Variants in PTPRT observed in about 807,000 individuals in gnomAD.
The protein encoded by PTPRT is protein tyrosine phosphatase receptor type T.
PTPRT carries 56 observed loss-of-function variants against 176.8 expected under a neutral mutation model. The observed-to-expected ratio is 0.32, with a 90% CI of 0.26 to 0.40. PTPRT has a LOEUF of 0.40. Among genes scored for constraint, PTPRT ranks in the 10% least tolerant of loss-of-function variants. The pLI is 1.00. For synonymous variants in PTPRT, 783 were observed against 739.0 expected (o/e 1.06, Z -0.96); for missense variants, 1,540 against 1,908.2 (o/e 0.81, Z 3.60).
At chr20:42,554,679 G>A (rs924998851) in intron 7 of PTPRT, among the ~76,000 whole-genome samples, 6 of 152,128 alleles carry the variant, frequency 3.9e-5, no homozygotes, top group Non-Finnish European at 5.9e-5. Context: ...CCATAAACCC[G>A]AGGCAATGAT....
chr20:42,299,259 C>T (rs991918616), intron 12 of PTPRT, among the ~76,000 whole-genome samples: 8 of 152,038 alleles, frequency 5.3e-5, no homozygotes, highest in Admixed American at 5.2e-4. Context: ...AAGAAATCAA[C>T]AGGGATGGGC....
chr20:42,448,238 C>T lies in PTPRT; in HGVS notation c.1542G>A (p.Gly514=), dbSNP rs781342518. Residue 514 remains glycine (G), a synonymous_variant, in exon 9 of 31, where the codon GGG becomes GGA. Transcript: ENST00000373187. ...IQWKPPNETN[G]VITLYEINYK... is the part of the protein sequence containing the mutation. ...TCCTTACCTCGTAGAGCGTGATGAC[C>T]CCATTGGTCTCATTGGGAGGTTTCC... The T allele has an allele frequency of 2.5e-6, 4 of 1,612,040 alleles. No homozygotes were observed. The highest frequency in any genetic ancestry group is 2.2e-5 in the East Asian group (1 of 44,862).
At chr20:42,588,272 C>A (rs1032786546) in intron 7 of PTPRT, among the ~76,000 whole-genome samples, 4 of 152,044 alleles carry the variant, frequency 2.6e-5, no homozygotes, top group African/African-American at 9.7e-5. Flanking sequence ...GGTGAAATGC[C>A]GTCTCTACTA....
At chr20:43,106,476 G>A (rs2012607853) in intron 1 of PTPRT, among the ~76,000 whole-genome samples, 1 of 151,942 alleles carries the variant, frequency 6.6e-6, no homozygotes, top group African/African-American at 2.4e-5. Flanking sequence ...GGCCAACATG[G>A]TGAAACCCCA....
rs78392437 is a variant in PTPRT at position 42,807,365 on chromosome 20, C to T, written c.215-15899G>A. The stretch of plus-strand genomic sequence containing the variant: ...TTTCCAGTGTTGCTATGATCTGATG[C>T]TTTTGTGCTGTTCTCATGGGAATTT... On this transcript the variant is annotated intron_variant, in intron 2 of 30. Transcript: ENST00000373187. Among the ~76,000 whole-genome samples the T allele has an allele frequency of 8.4e-3, 1,281 of 152,222 alleles. 28 individuals carry two copies. The highest frequency in any genetic ancestry group is 0.029 in the African/African-American group (1,191 of 41,518).
At chr20:42,543,368 C>T (rs1464336093) in intron 7 of PTPRT, among the ~76,000 whole-genome samples, 1 of 152,098 alleles carries the variant, frequency 6.6e-6, no homozygotes, top group African/African-American at 2.4e-5. Flanking sequence ...CTCAAGAAAC[C>T]ACTTTCTTTG....
At chr20:42,694,987 G>A (rs189314316) in intron 6 of PTPRT, among the ~76,000 whole-genome samples, 1 of 152,338 alleles carries the variant, frequency 6.6e-6, no homozygotes, top group Non-Finnish European at 1.5e-5. Context: ...GCATGGCCAG[G>A]CGGGGGTGGC....
chr20:43,186,094 T>C (rs1398504384), intron 1 of PTPRT, among the ~76,000 whole-genome samples: 2 of 152,236 alleles, frequency 1.3e-5, no homozygotes, highest in African/African-American at 4.8e-5. Flanking sequence ...GTGCCTATTA[T>C]GTACCAGGCA....
At chr20:42,068,903 TAGAG>T (rs1399836682), downstream of PTPRT, among the ~76,000 whole-genome samples, 1 of 152,212 alleles carries the variant, frequency 6.6e-6, no homozygotes, top group African/African-American at 2.4e-5. Context: ...CTCGCCTTAA[TAGAG>T]AAACAGATTC....
rs1358124647 is a variant in PTPRT at position 42,885,841 on chromosome 20, C to G, written c.180G>C (p.Trp60Cys). Reference sequence around the variant, plus strand: ...CTGCCTGGTCCAGCATTGGTTTCTCCCATGTGTTAATCTGCTCCCAGGTGA... The same window carrying G: ...CTGCCTGGTCCAGCATTGGTTTCTCGCATGTGTTAATCTGCTCCCAGGTGA... Reference protein sequence around the residue: ...NGFTWEQINTWEKPMLDQAVP... With the variant: ...NGFTWEQINTCEKPMLDQAVP... Residue 60 changes from tryptophan (W) to cysteine (C), a missense_variant, in exon 2 of 31, where the codon TGG becomes TGC. Trp to Cys is a radical substitution (Grantham distance 215). Coordinates refer to ENST00000373187, the MANE Select transcript of PTPRT (RefSeq NM_007050.6). 1 of 1,609,860 alleles carries G rather than the reference C, an allele frequency of 6.2e-7. No homozygotes were observed. The highest frequency in any genetic ancestry group is 1.3e-5 in the African/African-American group (1 of 74,846).
chr20:42,956,424 C>T (rs1270363025), intron 1 of PTPRT, among the ~76,000 whole-genome samples: 1 of 128,122 alleles, frequency 7.8e-6, no homozygotes, highest in Admixed American at 7.3e-5. Flanking sequence ...CTACTCTAGC[C>T]GTGTGAGACA....
At chr20:42,945,523 C>T (rs1980832142) in intron 1 of PTPRT, among the ~76,000 whole-genome samples, 1 of 152,214 alleles carries the variant, frequency 6.6e-6, no homozygotes, top group African/African-American at 2.4e-5. Context: ...GACAAAACCC[C>T]AGCGGATGCT....
chr20:42,177,925 C>T (rs1235802187), intron 16 of PTPRT, among the ~76,000 whole-genome samples: 1 of 146,440 alleles, frequency 6.8e-6, no homozygotes, highest in Non-Finnish European at 1.5e-5. Flanking sequence ...TCTCTCCTTC[C>T]TTCTTTCCTT....
intron 15 of PTPRT, among the ~76,000 whole-genome samples, chr20:42,218,482 C>T (rs1203873866): frequency 2.0e-5 from 3 of 152,142 alleles, no homozygotes; most frequent in Non-Finnish European, 2.9e-5. Context: ...CCTTCTTCCA[C>T]CTGAATTAGA....
At position 42,427,784 on chromosome 20, in the gene PTPRT, C is replaced by A. The variant is rs1017741311; in HGVS notation, c.1560+20436G>T. On this transcript the variant is annotated intron_variant, in intron 9 of 30. Transcript: ENST00000373187. ...AAAAACAGCCTTAACTGATGACATT[C>A]CACCATTGTGATTTGTTCCTGCCCC... Among the ~76,000 whole-genome samples the A allele has an allele frequency of 2.6e-5, 4 of 152,282 alleles. No individual in the cohort carries two copies. In the South Asian group the frequency reaches 8.3e-4, roughly 32 times the overall value.
At chr20:42,596,337 T>C (rs2073670012) in intron 7 of PTPRT, among the ~76,000 whole-genome samples, 1 of 152,178 alleles carries the variant, frequency 6.6e-6, no homozygotes, top group African/African-American at 2.4e-5. Context: ...GATCCCTCCA[T>C]CTTTGCAGTT....
At chr20:43,010,944 T>A (rs1042025959) in intron 1 of PTPRT, among the ~76,000 whole-genome samples, 17 of 152,290 alleles carry the variant, frequency 1.1e-4, no homozygotes, top group African/African-American at 3.8e-4. Flanking sequence ...TTTTCCATTG[T>A]CCTCAGGTGT....
rs2059338881 is a variant in PTPRT at position 42,443,693 on chromosome 20, C to A, written c.1560+4527G>T. On this transcript the variant is annotated intron_variant, in intron 9 of 30. Coordinates refer to ENST00000373187, the MANE Select transcript of PTPRT (RefSeq NM_007050.6). ...GTGGTAATAGGGTCAGGGTGAGACACCCATCTTTCAGGGAAGGTGGGCCCA... is the reference window on the plus strand; with the variant it reads ...GTGGTAATAGGGTCAGGGTGAGACAACCATCTTTCAGGGAAGGTGGGCCCA... Among the ~76,000 whole-genome samples, 5 of 152,060 alleles carry A rather than the reference C, an allele frequency of 3.3e-5. No homozygotes were observed. The South Asian group carries it at 1.0e-3, about 32-fold the overall frequency.
At chr20:42,468,291 A>C (rs2071134082) in intron 8 of PTPRT, among the ~76,000 whole-genome samples, 1 of 152,196 alleles carries the variant, frequency 6.6e-6, no homozygotes, top group African/African-American at 2.4e-5. Flanking sequence ...GTTTCAGTTA[A>C]TCTACTAGAG....
Sources: gnomAD v4.1 joint callset for allele counts (sites outside exome capture counted in the v4.1 genomes callset) on GRCh38, gnomAD v4.1.1 for gene constraint, MANE v1.5 for transcripts, NCBI Gene and HGNC (gene_info 2026-07-23, HGNC 2026-07-21) for gene names.